The following NCAM2 variants were observed in gnomAD, a reference collection of about 807,000 sequenced individuals.
The protein encoded by NCAM2 is N-CAM-2.
A neutral mutation model predicts 98.1 loss-of-function variants in NCAM2; 30 were observed. The ratio of observed to expected loss-of-function variants is 0.31; its 90% confidence interval spans 0.23 to 0.41. The LOEUF is 0.41. Ranked by LOEUF, NCAM2 falls within the 10% of genes least tolerant of loss-of-function variation. The probability of loss-of-function intolerance (pLI) is 1.00; values close to 1 mark genes in which losing one functional copy is unlikely to be tolerated. For synonymous variants in NCAM2, 368 were observed against 342.4 expected (o/e 1.07, Z -0.83); for missense variants, 867 against 1,005.8 (o/e 0.86, Z 1.87).
intron 12 of NCAM2, among the ~76,000 whole-genome samples, chr21:21,439,517 A>C (rs1978931747): frequency 6.6e-6 from 1 of 152,218 alleles, no homozygotes; most frequent in South Asian, 2.1e-4. Context: ...TCAGTTTGGT[A>C]GAAAAGTAGT....
At chr21:21,299,805 C>A (rs1003468202) in intron 5 of NCAM2, among the ~76,000 whole-genome samples, 12 of 152,002 alleles carry the variant, frequency 7.9e-5, no homozygotes, top group African/African-American at 2.7e-4. Context: ...TCACAAAGTA[C>A]AGTTGTTCCT....
intron 1 of NCAM2, among the ~76,000 whole-genome samples, chr21:21,225,346 A>G (rs528210468): frequency 2.6e-5 from 4 of 152,176 alleles, no homozygotes; most frequent in Non-Finnish European, 4.4e-5. Context: ...GCAAACCACC[A>G]TGGCACATGT....
intron 1 of NCAM2, among the ~76,000 whole-genome samples, chr21:21,194,874 C>G (rs1407138407): frequency 1.3e-5 from 2 of 152,086 alleles, no homozygotes; most frequent in Non-Finnish European, 2.9e-5. Context: ...CATCTTTTGC[C>G]TAGAAGTTTG....
At chr21:21,090,362 A>G (rs952572367) in intron 1 of NCAM2, among the ~76,000 whole-genome samples, 11 of 152,198 alleles carry the variant, frequency 7.2e-5, no homozygotes, top group East Asian at 1.9e-4. Flanking sequence ...GAAAATGTCA[A>G]TAGGCCTAGG....
chr21:21,275,560 C>A (rs780157384), intron 1 of NCAM2, among the ~76,000 whole-genome samples: 2 of 152,098 alleles, frequency 1.3e-5, no homozygotes, highest in Non-Finnish European at 2.9e-5. Context: ...AATTCTGTCT[C>A]CCTACCTTTC....
intron 1 of NCAM2, among the ~76,000 whole-genome samples, chr21:21,182,868 A>G (rs1248969751): frequency 1.3e-5 from 2 of 152,156 alleles, no homozygotes; most frequent in African/African-American, 4.8e-5. Flanking sequence ...CGTTTTAGTC[A>G]CTTACTCAAA....
intron 1 of NCAM2, among the ~76,000 whole-genome samples, chr21:21,009,468 T>C (rs1463234291): frequency 2.0e-5 from 3 of 152,022 alleles, no homozygotes; most frequent in African/African-American, 4.8e-5. Flanking sequence ...AAAACTGAAA[T>C]CGTTCTGTAA....
intron 1 of NCAM2, among the ~76,000 whole-genome samples, chr21:21,244,957 A>G (rs1408902994): frequency 6.6e-6 from 1 of 152,020 alleles, no homozygotes; most frequent in Admixed American, 6.6e-5. Flanking sequence ...AAACTGTAAC[A>G]CACAGAACCA....
intron 7 of NCAM2, 126 bp downstream of exon 7, chr21:21,335,791 GT>G: frequency 2.3e-6 from 2 of 876,582 alleles, no homozygotes; most frequent in Non-Finnish European, 3.0e-6. Flanking sequence ...TCTGTAATAT[GT>G]TTTTTAAATT....
At chr21:21,168,358 A>C (rs2146826628) in intron 1 of NCAM2, among the ~76,000 whole-genome samples, 1 of 152,272 alleles carries the variant, frequency 6.6e-6, no homozygotes, top group South Asian at 2.1e-4. Flanking sequence ...GTGTTAAATT[A>C]GAGCCTTCCC....
chr21:21,112,661 A>G (rs2066477253), intron 1 of NCAM2, among the ~76,000 whole-genome samples: 1 of 152,120 alleles, frequency 6.6e-6, no homozygotes, highest in African/African-American at 2.4e-5. Flanking sequence ...ATGAAGAGAA[A>G]ACTTTTATCG....
chr21:21,105,129 ATTG>A (rs1394199283), intron 1 of NCAM2, among the ~76,000 whole-genome samples: 3 of 152,152 alleles, frequency 2.0e-5, no homozygotes, highest in Non-Finnish European at 4.4e-5. Context: ...ATAAATGTTT[ATTG>A]TTGTAAACAC....
At chr21:21,040,015 T>C (rs1007145569) in intron 1 of NCAM2, among the ~76,000 whole-genome samples, 2 of 152,188 alleles carry the variant, frequency 1.3e-5, no homozygotes, top group African/African-American at 4.8e-5. Flanking sequence ...TTGCCAGTTA[T>C]TACTGTTAAG....
chr21:21,441,739 G>A (rs1033758614), intron 12 of NCAM2, among the ~76,000 whole-genome samples: 1 of 147,958 alleles, frequency 6.8e-6, no homozygotes, highest in Non-Finnish European at 1.5e-5. Context: ...GTGGTATCCT[G>A]GAGGAAAGCC....
intron 15 of NCAM2, among the ~76,000 whole-genome samples, chr21:21,494,886 G>A (rs964222552): frequency 2.0e-5 from 2 of 100,568 alleles, no homozygotes; most frequent in African/African-American, 7.0e-5. Flanking sequence ...GAGCTGTTAT[G>A]TATGAATTTG....
chr21:21,288,993 G>A (rs910284408), intron 4 of NCAM2, among the ~76,000 whole-genome samples: 8 of 151,842 alleles, frequency 5.3e-5, no homozygotes, highest in African/African-American at 1.9e-4. Flanking sequence ...AGCATTGTGG[G>A]AGTAAAGGTG....
At chr21:21,517,263 T>C (rs1470916540) in intron 16 of NCAM2, among the ~76,000 whole-genome samples, 1 of 152,230 alleles carries the variant, frequency 6.6e-6, no homozygotes, top group Non-Finnish European at 1.5e-5. Context: ...ATTCCATTTG[T>C]CATATTCTTA....
intron 12 of NCAM2, among the ~76,000 whole-genome samples, chr21:21,451,595 C>T (rs1039631836): frequency 3.3e-5 from 5 of 152,080 alleles, no homozygotes; most frequent in Non-Finnish European, 7.4e-5. Context: ...TTCTTTCTCC[C>T]ACCCTTTAAA....
intron 1 of NCAM2, among the ~76,000 whole-genome samples, chr21:21,013,080 G>A (rs147692098): frequency 6.6e-6 from 1 of 151,968 alleles, no homozygotes; most frequent in South Asian, 2.1e-4. Context: ...CCCTACAATG[G>A]CCCCTAAATA....
Sources: gnomAD v4.1 joint callset for allele counts (sites outside exome capture counted in the v4.1 genomes callset) on GRCh38, gnomAD v4.1.1 for gene constraint, MANE v1.5 for transcripts, NCBI Gene and HGNC (gene_info 2026-07-23, HGNC 2026-07-21) for gene names.